The following SMARCB1 variants were observed in gnomAD, a reference collection of about 807,000 sequenced individuals.
The protein encoded by SMARCB1 is SWI/SNF-related matrix-associated actin-dependent regulator of chromatin subfamily B member 1.
In SMARCB1, 5 loss-of-function variants were observed where a neutral mutation model predicts 49.0. The observed-to-expected ratio is 0.10, with a 90% CI of 0.05 to 0.21. The LOEUF (loss-of-function observed/expected upper bound fraction) is 0.21, where lower values mean the gene tolerates loss of function less well. SMARCB1 is among the 10% of genes least tolerant of loss of function. The pLI, the probability that SMARCB1 is intolerant of heterozygous loss-of-function variation, is 1.00. For synonymous variants in SMARCB1, 201 were observed against 200.1 expected (o/e 1.00, Z -0.04); for missense variants, 226 against 509.2 (o/e 0.44, Z 5.35).
intron 8 of SMARCB1, 74 bp from the exon 9 acceptor site, chr22:23,834,067 G>A (rs2030826891): frequency 6.7e-7 from 1 of 1,498,010 alleles, no homozygotes; most frequent in Non-Finnish European, 9.1e-7. Context: ...TGGCTGCCCT[G>A]TAGAGCCTTG....
At position 23,834,709 on chromosome 22, in the gene SMARCB1, TCC is replaced by T; in HGVS notation, c.*532_*533del. ...GGGTAGCACCTCAGCTCCTCTCAGC[TCC>T]CCTCAGCCTGTTCTCCTTCCAGACC... is the stretch of plus-strand genomic sequence containing the variant. On this transcript the variant is annotated 3_prime_UTR_variant, in exon 9 of 9. Transcript: ENST00000644036. 1 of 1,370,272 alleles carries T rather than the reference TCC, an allele frequency of 7.3e-7. No homozygotes were observed. The highest frequency in any genetic ancestry group is 9.8e-7 in the Non-Finnish European group (1 of 1,024,766). 84.9% of individuals were successfully genotyped at this position (1,370,272 alleles called of 1,614,324 possible).
intron 7 of SMARCB1, among the ~76,000 whole-genome samples, chr22:23,830,262 G>A (rs9608203): frequency 0.38 from 58,480 of 152,098 alleles, 13,729 homozygotes; most frequent in Admixed American, 0.52. Context: ...GCACCATTTT[G>A]CATTCCCACC....
chr22:23,796,842 G>A (rs1315432150), intron 3 of SMARCB1, among the ~76,000 whole-genome samples: 2 of 152,192 alleles, frequency 1.3e-5, no homozygotes, highest in East Asian at 1.9e-4. Flanking sequence ...GGCTGGCAGA[G>A]GTTTGAGGGA....
intron 3 of SMARCB1, among the ~76,000 whole-genome samples, chr22:23,799,679 A>ATTTTTTTTTTTTTTTTTTTTTTTTTTTT (rs71184912): frequency 1.5e-5 from 1 of 68,416 alleles, no homozygotes; most frequent in African/African-American, 5.8e-5. Flanking sequence ...CACCTGGCTA[A>ATTTTTTTTTTTTTTTTTTTTTTTTTTTT]TTTTTTTTTT....
chr22:23,825,490 C>T (rs1469656062), intron 7 of SMARCB1, 75 bp downstream of exon 7: 15 of 1,325,988 alleles, frequency 1.1e-5, no homozygotes, highest in Admixed American at 7.3e-5. Flanking sequence ...TCTGTGTGAG[C>T]GGTGATACCT....
intron 5 of SMARCB1, among the ~76,000 whole-genome samples, chr22:23,813,631 A>G (rs1342781377): frequency 1.3e-5 from 2 of 152,220 alleles, no homozygotes; most frequent in Non-Finnish European, 2.9e-5. Context: ...GAAAGTAATG[A>G]AGGAAGACCT....
At chr22:23,798,826 G>A (rs941012371) in intron 3 of SMARCB1, among the ~76,000 whole-genome samples, 2 of 152,018 alleles carry the variant, frequency 1.3e-5, no homozygotes, top group Non-Finnish European at 2.9e-5. Flanking sequence ...CGAGGCGGGC[G>A]GATCACAAGG....
intron 4 of SMARCB1, chr22:23,801,307 C>G (rs374106499): frequency 4.1e-6 from 3 of 735,468 alleles, no homozygotes. Flanking sequence ...CTCCTCACCT[C>G]TCTGGCCCCT....
chr22:23,824,053 G>A (rs2030243629), intron 6 of SMARCB1: 1 of 152,248 alleles, frequency 6.6e-6, no homozygotes, highest in Admixed American at 6.5e-5. Flanking sequence ...GATGGGAAGG[G>A]GAGCTCTCAG....
chr22:23,812,888 G>A (rs183230280), intron 5 of SMARCB1, among the ~76,000 whole-genome samples: 99 of 142,950 alleles, frequency 6.9e-4, no homozygotes, highest in South Asian at 2.4e-3. Flanking sequence ...TTTTTTAGAC[G>A]GAGTATTGCT....
chr22:23,799,232 T>C (rs1470926124), intron 3 of SMARCB1, among the ~76,000 whole-genome samples: 1 of 151,434 alleles, frequency 6.6e-6, no homozygotes, highest in African/African-American at 2.4e-5. Flanking sequence ...CCAAATGCTC[T>C]CATCTGTTTC....
rs746345135 is a variant in SMARCB1, at chr22:23,837,777, G to A, written c.*3597G>A. ...AGAAGTTGACCCTCACCCGAGGGCT[G>A]CGGCGGCTCCACACGTACACCAGCA... On this transcript the variant is annotated 3_prime_UTR_variant, in exon 9 of 9. Transcript: ENST00000644036. 3 of 1,613,982 alleles carry A rather than the reference G, an allele frequency of 1.9e-6. No individual in the cohort carries two copies. The highest frequency in any genetic ancestry group is 1.7e-5 in the Admixed American group (1 of 60,024).
In SMARCB1 at chr22:23,787,123, C is replaced by G; in HGVS notation, c.-47C>G. 1 of 1,251,388 alleles carries G rather than the reference C, an allele frequency of 8.0e-7. No individual in the cohort carries two copies. The highest frequency in any genetic ancestry group is 1.2e-6 in the Non-Finnish European group (1 of 854,040). 77.5% of individuals were successfully genotyped at this position (1,251,388 alleles called of 1,614,324 possible). A position where few individuals can be genotyped will look rare whatever the true frequency, so the allele number is the denominator to read the frequency against. ...CACGCCCCGGCCCCGCCCCAGCCCT[C>G]CTGATCCCTCGCAGCCCGGCTCCGG... On this transcript the variant is annotated 5_prime_UTR_variant, in exon 1 of 9. Coordinates refer to ENST00000644036, the MANE Select transcript of SMARCB1 (RefSeq NM_003073.5).
At chr22:23,803,265 CG>C in intron 4 of SMARCB1, 29 bp from the exon 5 acceptor site, 1 of 1,613,964 alleles carries the variant, frequency 6.2e-7, no homozygotes, top group Non-Finnish European at 8.5e-7. Flanking sequence ...CCGGCCCCCT[CG>C]CTGACTGTTG....
At position 23,834,371 on chromosome 22, in the gene SMARCB1, C is replaced by CCCCCCCCCCCCCCCT; in HGVS notation, c.*191_*192insCCCCCCCCCCCCCCT. The CCCCCCCCCCCCCCCT allele has an allele frequency of 2.9e-6, 2 of 699,822 alleles. No homozygotes were observed. Among genetic ancestry groups the CCCCCCCCCCCCCCCT allele is most frequent in the South Asian group, 1.5e-5 (1 of 66,700 alleles). The allele number at this position is 699,822 out of a possible 1,614,324, so 43.4% of individuals were successfully genotyped here. On this transcript the variant is annotated 3_prime_UTR_variant, in exon 9 of 9. Coordinates refer to ENST00000644036, the MANE Select transcript of SMARCB1 (RefSeq NM_003073.5). ...TTTGTTGAGCCCCAGTCCTGCCCCC[C>CCCCCCCCCCCCCCCT]ACCCCACCCTCCCTACCCCTCCCCA...
At position 23,823,118 on chromosome 22, in the gene SMARCB1, A is replaced by G. The variant is rs143652666; in HGVS notation, c.796-2107A>G. The G allele has an allele frequency of 5.1e-4, 78 of 152,102 alleles. 1 individual carries two copies. The highest frequency in any genetic ancestry group is 3.4e-3 in the Middle Eastern group (1 of 296). The allele number at this position is 152,102 out of a possible 1,614,324, so 9.4% of individuals were successfully genotyped here. A position where few individuals can be genotyped will look rare whatever the true frequency, so the allele number is the denominator to read the frequency against. On this transcript the variant is annotated intron_variant, in intron 6 of 8. Transcript: ENST00000644036. The stretch of plus-strand genomic sequence containing the variant: ...ACATGTACCACCTCACCTTTCTCAG[A>G]ACAGCCTTTTGAATGTTTGTCTCTC...
At position 23,803,276 on chromosome 22, in the gene SMARCB1, G is replaced by T. The variant is rs1250328530; in HGVS notation, c.501-19G>T. 3 of 1,613,986 alleles carry T rather than the reference G, an allele frequency of 1.9e-6. No individual in the cohort carries two copies. The South Asian group carries it at 3.3e-5, about 18-fold the overall frequency. On this transcript the variant is annotated intron_variant, in intron 4 of 8. Transcript: ENST00000644036. Reference sequence around the variant, plus strand: ...GGCTCCGGCCCCCTCGCTGACTGTTGCTTCCATTTCACTTTCAGCTTTGAT... The same window carrying T: ...GGCTCCGGCCCCCTCGCTGACTGTTTCTTCCATTTCACTTTCAGCTTTGAT...
In SMARCB1 at chr22:23,787,386, G is replaced by T. The variant is rs1421103249; in HGVS notation, c.93+124G>T. On this transcript the variant is annotated intron_variant, in intron 1 of 8. Transcript: ENST00000644036. ...GGGCGGGCGCGCGCGCGCGCGCTCG[G>T]GGCTGTGGGGCGTGGCCTAGTGGGC... is the stretch of plus-strand genomic sequence containing the variant. 12 of 476,130 alleles carry T rather than the reference G, an allele frequency of 2.5e-5. No homozygotes were observed. The South Asian group carries it at 3.2e-4, about 13-fold the overall frequency. The allele number at this position is 476,130 out of a possible 1,614,324, so 29.5% of individuals were successfully genotyped here. A position where few individuals can be genotyped will look rare whatever the true frequency, so the allele number is the denominator to read the frequency against.
chr22:23,826,861 C>G (rs2030406392), intron 7 of SMARCB1, among the ~76,000 whole-genome samples: 2 of 152,226 alleles, frequency 1.3e-5, no homozygotes, highest in African/African-American at 2.4e-5. Flanking sequence ...CGCCATGGTG[C>G]TGAGATCCTG....
Sources: gnomAD v4.1 joint callset for allele counts (sites outside exome capture counted in the v4.1 genomes callset) on GRCh38, gnomAD v4.1.1 for gene constraint, MANE v1.5 for transcripts, NCBI Gene and HGNC (gene_info 2026-07-23, HGNC 2026-07-21) for gene names.